LTBP1: variants seen among roughly 807,000 people sequenced by gnomAD.
LTBP1 encodes latent-transforming growth factor beta-binding protein 1.
A neutral mutation model predicts 207.6 loss-of-function variants in LTBP1; 129 were observed. That is an observed-to-expected ratio of 0.62 (90% CI 0.54 to 0.72). The LOEUF is 0.72. Among genes scored for constraint, LTBP1 ranks in the 30% least tolerant of loss-of-function variants. The pLI is 0.00. For missense variants in LTBP1, 2,281 were observed against 2,217.2 expected (o/e 1.03, Z -0.58); for synonymous variants, 963 against 833.7 (o/e 1.16, Z -2.67).
At chr2:33,170,219 G>C (rs2085294456) in intron 5 of LTBP1, among the ~76,000 whole-genome samples, 1 of 152,250 alleles carries the variant, frequency 6.6e-6, no homozygotes, top group African/African-American at 2.4e-5. Context: ...CACTCGGGAA[G>C]CGCAAGGGGT....
At chr2:32,991,739 T>A (rs915965957) in intron 2 of LTBP1, among the ~76,000 whole-genome samples, 2 of 152,176 alleles carry the variant, frequency 1.3e-5, no homozygotes, top group African/African-American at 4.8e-5. Flanking sequence ...AAGTCAGTCA[T>A]CTAATCTAGC....
intron 24 of LTBP1, among the ~76,000 whole-genome samples, chr2:33,322,362 G>A (rs575725494): frequency 3.9e-5 from 6 of 152,144 alleles, no homozygotes; most frequent in South Asian, 2.1e-4. Flanking sequence ...TCAACAACCC[G>A]AGTCCTTTTT....
chr2:33,167,391 G>A (rs2085016192), intron 5 of LTBP1, among the ~76,000 whole-genome samples: 2 of 150,732 alleles, frequency 1.3e-5, no homozygotes, highest in Admixed American at 1.3e-4. Flanking sequence ...ACATATATTA[G>A]GTACCGACCA....
chr2:33,339,224 A>G (rs968150605), intron 24 of LTBP1, among the ~76,000 whole-genome samples: 1 of 152,040 alleles, frequency 6.6e-6, no homozygotes, highest in Non-Finnish European at 1.5e-5. Flanking sequence ...GGAGAAATGG[A>G]GTTGAGATGA....
At chr2:32,998,512 TAAAAAAAAAAAAAAAAAAA>T (rs769287082) in intron 2 of LTBP1, among the ~76,000 whole-genome samples, 6 of 29,238 alleles carry the variant, frequency 2.1e-4, no homozygotes, top group Admixed American at 6.6e-4. Context: ...GACTCCATCT[TAAAAAAAAAAAAAAAAAAA>T]AAAAAAAAAA....
At chr2:33,159,991 TCTAC>T (rs2084319309) in intron 5 of LTBP1, among the ~76,000 whole-genome samples, 1 of 152,094 alleles carries the variant, frequency 6.6e-6, no homozygotes, top group Non-Finnish European at 1.5e-5. Context: ...AAGCAATTTT[TCTAC>T]CTCAGCCGCT....
chr2:33,086,786 T>C (rs2149959643), intron 3 of LTBP1, among the ~76,000 whole-genome samples: 1 of 152,304 alleles, frequency 6.6e-6, no homozygotes, highest in African/African-American at 2.4e-5. Flanking sequence ...GTTGGCTCAG[T>C]AAAGTGATTT....
intron 9 of LTBP1, among the ~76,000 whole-genome samples, chr2:33,233,252 A>G (rs2091886270): frequency 6.6e-6 from 1 of 151,992 alleles, no homozygotes; most frequent in Non-Finnish European, 1.5e-5. Context: ...TTGAATGGTT[A>G]TCTCAGTTCC....
At chr2:33,179,749 G>A (rs186288928) in intron 5 of LTBP1, among the ~76,000 whole-genome samples, 1 of 152,214 alleles carries the variant, frequency 6.6e-6, no homozygotes, top group Non-Finnish European at 1.5e-5. Context: ...CATTGAAAGC[G>A]TATCCAATAG....
intron 9 of LTBP1, among the ~76,000 whole-genome samples, chr2:33,225,277 A>G (rs544914260): frequency 6.6e-6 from 1 of 152,294 alleles, no homozygotes; most frequent in Admixed American, 6.5e-5. Flanking sequence ...TCTTCCTTCT[A>G]CCTATTTGAA....
chr2:33,036,269 G>T (rs1027506055), intron 3 of LTBP1, among the ~76,000 whole-genome samples: 8 of 152,104 alleles, frequency 5.3e-5, no homozygotes, highest in African/African-American at 1.9e-4. Flanking sequence ...TGACAAACTC[G>T]CAGGTGGTGC....
At chr2:33,180,454 GTTT>G (rs5830252) in intron 5 of LTBP1, among the ~76,000 whole-genome samples, 14 of 131,980 alleles carry the variant, frequency 1.1e-4, no homozygotes, top group African/African-American at 2.8e-4. Context: ...GCGTGGCATA[GTTT>G]TTTTTTTTTT....
At chr2:33,253,538 C>T (rs1243086011) in intron 11 of LTBP1, among the ~76,000 whole-genome samples, 1 of 152,114 alleles carries the variant, frequency 6.6e-6, no homozygotes, top group Non-Finnish European at 1.5e-5. Flanking sequence ...AACCTGAAAG[C>T]GTTAGACCTG....
At chr2:33,357,332 AC>A (rs1303170697) in intron 26 of LTBP1, among the ~76,000 whole-genome samples, 1 of 151,988 alleles carries the variant, frequency 6.6e-6, no homozygotes, top group Admixed American at 6.6e-5. Flanking sequence ...TTGTTGCTGA[AC>A]CCCCAGCAGC....
chr2:32,964,541 G>GA (rs1296085620), intron 2 of LTBP1, among the ~76,000 whole-genome samples: 1 of 151,986 alleles, frequency 6.6e-6, no homozygotes, highest in Non-Finnish European at 1.5e-5. Flanking sequence ...AAAGTAAATA[G>GA]ATTTTTTTTT....
In LTBP1 at chr2:33,069,492, T is replaced by G. The variant is rs933186848; in HGVS notation, c.864-41090T>G. Among the ~76,000 whole-genome samples, 40 of 152,260 alleles carry G rather than the reference T, an allele frequency of 2.6e-4. 1 individual carries two copies. Among genetic ancestry groups the G allele is most frequent in the African/African-American group, 9.1e-4 (38 of 41,560 alleles). ...AGTCTGAGCTGCCTGCCCCAGAGTT[T>G]TTGCTGTTTGCTAAGGCATCTCTGG... On this transcript the variant is annotated intron_variant, in intron 3 of 33. Coordinates refer to ENST00000404816, the MANE Select transcript of LTBP1 (RefSeq NM_206943.4).
At chr2:33,339,691 T>C (rs1417651746) in intron 24 of LTBP1, among the ~76,000 whole-genome samples, 1 of 151,940 alleles carries the variant, frequency 6.6e-6, no homozygotes, top group Non-Finnish European at 1.5e-5. Context: ...TGTTGCCCAG[T>C]CTGGAGTGCA....
At position 33,122,451 on chromosome 2, in the gene LTBP1, C is replaced by A. The variant is rs143875848; in HGVS notation, c.1033+11700C>A. 8.1e-3 allele frequency among the ~76,000 whole-genome samples: 1,229 copies of A among 152,252 alleles called. 12 individuals carry two copies. The highest frequency in any genetic ancestry group is 0.014 in the East Asian group (72 of 5,166). On this transcript the variant is annotated intron_variant, in intron 4 of 33. Coordinates refer to ENST00000404816, the MANE Select transcript of LTBP1 (RefSeq NM_206943.4). ...CACAGTGGACTGGAAAGCGGGTGGG[C>A]AGTTGACTCAAAACCAATCTGAGGC...
intron 3 of LTBP1, among the ~76,000 whole-genome samples, chr2:33,045,117 A>G (rs1297253963): frequency 1.3e-5 from 2 of 152,082 alleles, no homozygotes. Flanking sequence ...CTTTAGTTTA[A>G]TTAGATCCCA....
Sources: gnomAD v4.1 joint callset for allele counts (sites outside exome capture counted in the v4.1 genomes callset) on GRCh38, gnomAD v4.1.1 for gene constraint, MANE v1.5 for transcripts, NCBI Gene and HGNC (gene_info 2026-07-23, HGNC 2026-07-21) for gene names.